Variants in DMXL1 observed in about 807,000 individuals in gnomAD.
DMXL1 encodes dmX-like protein 1.
DMXL1 carries 99 observed loss-of-function variants against 319.2 expected under a neutral mutation model. That is an observed-to-expected ratio of 0.31 (90% CI 0.26 to 0.37). The LOEUF (loss-of-function observed/expected upper bound fraction) is 0.37, where lower values mean the gene tolerates loss of function less well. DMXL1 is among the 10% of genes least tolerant of loss of function. The pLI is 1.00. For missense variants in DMXL1, 3,745 were observed against 3,595.6 expected (o/e 1.04, Z -1.06); for synonymous variants, 1,385 against 1,235.2 (o/e 1.12, Z -2.54).
rs1248032340 is a variant in DMXL1, at chr5:119,248,258, C to G, written c.*1039C>G. On this transcript the variant is annotated 3_prime_UTR_variant, in exon 44 of 44. Coordinates refer to ENST00000539542, the MANE Select transcript of DMXL1 (RefSeq NM_001290321.3). ...TGAAAGCAGTCAAATTAAGTAGATA[C>G]TATTTAGAAATGTAAAATACTCTCC... The G allele has an allele frequency of 6.6e-6, 1 of 152,410 alleles. No individual in the cohort carries two copies. Among genetic ancestry groups the G allele is most frequent in the Non-Finnish European group, 1.5e-5 (1 of 67,928 alleles). The allele number at this position is 152,410 out of a possible 1,614,324, so 9.4% of individuals were successfully genotyped here.
chr5:119,103,006 G>C (rs1482960602), intron 3 of DMXL1, among the ~76,000 whole-genome samples: 2 of 151,710 alleles, frequency 1.3e-5, no homozygotes, highest in African/African-American at 4.8e-5. Context: ...GAAATAATTT[G>C]TACAAGAAAA....
intron 29 of DMXL1, 152 bp downstream of exon 29, chr5:119,190,038 C>A: frequency 1.6e-6 from 1 of 622,496 alleles, no homozygotes; most frequent in Admixed American, 3.3e-5. Flanking sequence ...AAATATATAC[C>A]CTAGAATATT....
intron 25 of DMXL1, among the ~76,000 whole-genome samples, chr5:119,173,736 GTATA>G (rs199498213): frequency 8.9e-6 from 1 of 111,918 alleles, no homozygotes; most frequent in Non-Finnish European, 1.8e-5. Context: ...ATATATGTGT[GTATA>G]TATATATGTG....
chr5:119,083,195 T>C (rs911615902), intron 1 of DMXL1, among the ~76,000 whole-genome samples: 1 of 151,980 alleles, frequency 6.6e-6, no homozygotes, highest in Non-Finnish European at 1.5e-5. Flanking sequence ...TATACACACA[T>C]ATATATTTTT....
rs769544642 is a variant in DMXL1, at chr5:119,100,391, G to A, written c.214-1544G>A. 2.7e-5 allele frequency among the ~76,000 whole-genome samples: 4 copies of A among 150,848 alleles called. No homozygotes were observed. The South Asian group carries it at 6.3e-4, about 24-fold the overall frequency. On this transcript the variant is annotated intron_variant, in intron 2 of 43. Transcript: ENST00000539542. ...GCAGAGGTTGCAGTGAGCTGAGATC[G>A]TGCCACTGCATTTCAACCTGGGTAA... is the stretch of plus-strand genomic sequence containing the variant.
chr5:119,206,744 T>G, intron 33 of DMXL1, 90 bp from the exon 34 acceptor site: 1 of 765,228 alleles, frequency 1.3e-6, no homozygotes, highest in Non-Finnish European at 2.0e-6. Context: ...TAAATTTGGT[T>G]TAAAATATAG....
In DMXL1 at chr5:119,143,355, G is replaced by T. The variant is rs763939163; in HGVS notation, c.2377-486G>T. Among the ~76,000 whole-genome samples the T allele has an allele frequency of 2.0e-5, 3 of 152,000 alleles. 1 individual carries two copies. Among genetic ancestry groups the T allele is most frequent in the South Asian group, 4.1e-4 (2 of 4,830 alleles). ...GAAGAAGGAATGATTACCAAGATCA[G>T]ATACTGCTGATAAAGGAAGTCTGAT... On this transcript the variant is annotated intron_variant, in intron 13 of 43. Transcript: ENST00000539542.
At chr5:119,080,029 C>G (rs1015369739) in intron 1 of DMXL1, among the ~76,000 whole-genome samples, 7 of 152,154 alleles carry the variant, frequency 4.6e-5, no homozygotes, top group Non-Finnish European at 8.8e-5. Context: ...TTAAATACCT[C>G]TTGGATTGTT....
intron 2 of DMXL1, among the ~76,000 whole-genome samples, chr5:119,100,878 C>T (rs996545848): frequency 9.3e-5 from 13 of 140,016 alleles, no homozygotes; most frequent in Non-Finnish European, 2.0e-4. Flanking sequence ...CTCCCGGGTT[C>T]ACGCCATTCT....
intron 1 of DMXL1, among the ~76,000 whole-genome samples, chr5:119,073,525 C>G (rs569364457): frequency 2.0e-5 from 3 of 152,084 alleles, no homozygotes; most frequent in South Asian, 2.1e-4. Context: ...GTTAATGTGC[C>G]GAGGAGGATT....
chr5:119,209,817 G>A (rs143534564), intron 34 of DMXL1, among the ~76,000 whole-genome samples: 104 of 152,156 alleles, frequency 6.8e-4, no homozygotes, highest in African/African-American at 2.4e-3. Context: ...CAAATCTTAT[G>A]TTTATTTTGT....
intron 43 of DMXL1, among the ~76,000 whole-genome samples, chr5:119,244,816 T>G (rs1021265158): frequency 6.6e-6 from 1 of 152,240 alleles, no homozygotes; most frequent in African/African-American, 2.4e-5. Flanking sequence ...TCCATGAATA[T>G]AAACATAATT....
chr5:119,197,636 C>T, intron 31 of DMXL1, 119 bp from the exon 32 acceptor site: 4 of 912,982 alleles, frequency 4.4e-6, no homozygotes, highest in Non-Finnish European at 6.7e-6. Flanking sequence ...GTTAATATTT[C>T]ATCTCAGTCT....
intron 1 of DMXL1, among the ~76,000 whole-genome samples, chr5:119,080,410 T>C (rs1402271338): frequency 6.6e-6 from 1 of 152,190 alleles, no homozygotes; most frequent in Non-Finnish European, 1.5e-5. Context: ...TGGTGCACCT[T>C]CCAACCCACA....
At position 119,170,777 on chromosome 5, in the gene DMXL1, A is replaced by G. The variant is rs1238999257; in HGVS notation, c.5986A>G (p.Lys1996Glu). 1 of 1,612,182 alleles carries G rather than the reference A, an allele frequency of 6.2e-7. No individual in the cohort carries two copies. Among genetic ancestry groups the G allele is most frequent in the South Asian group, 1.1e-5 (1 of 90,946 alleles). ...ACCTTTACAGAGAAAAACAGATAAA[A>G]AGTTGGATGACATAAGTTCTAACTA... ...LKPLQRKTDK[K>E]LDDISSNYTE... Residue 1996 changes from lysine to glutamate, a missense_variant, in exon 24 of 44, where the codon AAG becomes GAG. Coordinates refer to ENST00000539542, the MANE Select transcript of DMXL1 (RefSeq NM_001290321.3).
At position 119,116,158 on chromosome 5, in the gene DMXL1, G is replaced by A; in HGVS notation, c.565G>A (p.Asp189Asn). The change falls in exon 7 of 44, where the codon GAT becomes AAT. Residue 189 changes from aspartate to asparagine, a missense_variant and splice_region_variant. Asp to Asn is a conservative substitution (Grantham distance 23, BLOSUM62 1). Coordinates refer to ENST00000539542, the MANE Select transcript of DMXL1 (RefSeq NM_001290321.3). ...DGEFFATAGK[D>N]DCLLKVWYNV... Reference sequence around the variant, plus strand: ...TCTGTTTTGTTTTTTTTTTCCTTAGGATGACTGTCTTTTGAAGGTTTGGTA... The same window carrying A: ...TCTGTTTTGTTTTTTTTTTCCTTAGAATGACTGTCTTTTGAAGGTTTGGTA... 1 of 1,589,990 alleles carries A rather than the reference G, an allele frequency of 6.3e-7. No homozygotes were observed. The highest frequency in any genetic ancestry group is 8.6e-7 in the Non-Finnish European group (1 of 1,168,336).
At position 119,240,409 on chromosome 5, in the gene DMXL1, T is replaced by C. The variant is rs1308472987; in HGVS notation, c.8652-10T>C. The C allele has an allele frequency of 1.9e-6, 3 of 1,595,272 alleles. No homozygotes were observed. Among genetic ancestry groups the C allele is most frequent in the Non-Finnish European group, 2.6e-6 (3 of 1,170,972 alleles). ...TGTCACTCAGAAGTAATCTTTTTTTTTTTTTCCAGAAACGTATGTTTGTGG... is the reference window on the plus strand; with the variant it reads ...TGTCACTCAGAAGTAATCTTTTTTTCTTTTTCCAGAAACGTATGTTTGTGG... On this transcript the variant is annotated splice_polypyrimidine_tract_variant and intron_variant, in intron 41 of 43. Coordinates refer to ENST00000539542, the MANE Select transcript of DMXL1 (RefSeq NM_001290321.3).
chr5:119,073,832 C>T (rs1750199224), intron 1 of DMXL1, among the ~76,000 whole-genome samples: 1 of 152,090 alleles, frequency 6.6e-6, no homozygotes, highest in African/African-American at 2.4e-5. Context: ...CTTATATACA[C>T]CTTAAATTTT....
chr5:119,236,419 T>C (rs929436649), intron 39 of DMXL1: 2 of 152,050 alleles, frequency 1.3e-5, no homozygotes, highest in Non-Finnish European at 2.9e-5. Flanking sequence ...GCCCTTTTTA[T>C]ATTACAGAAA....
Sources: gnomAD v4.1 joint callset for allele counts (sites outside exome capture counted in the v4.1 genomes callset) on GRCh38, gnomAD v4.1.1 for gene constraint, MANE v1.5 for transcripts, NCBI Gene and HGNC (gene_info 2026-07-23, HGNC 2026-07-21) for gene names.